The following MACF1 variants were observed in gnomAD, a reference collection of about 807,000 sequenced individuals.
The protein encoded by MACF1 is microtubule-actin cross-linking factor 1.
A neutral mutation model predicts 854.8 loss-of-function variants in MACF1; 193 were observed. That is an observed-to-expected ratio of 0.23 (90% confidence interval 0.20 to 0.25). The LOEUF (loss-of-function observed/expected upper bound fraction) is 0.25, where lower values mean the gene tolerates loss of function less well. MACF1 is among the 10% of genes least tolerant of loss of function. MACF1 has a pLI of 1.00. For missense variants in MACF1, 7,722 were observed against 8,929.1 expected (o/e 0.86, Z 5.45); for synonymous variants, 3,185 against 3,226.7 (o/e 0.99, Z 0.44).
chr1:39,302,360 T>C (rs1005680104), intron 22 of MACF1, among the ~76,000 whole-genome samples: 3 of 152,072 alleles, frequency 2.0e-5, no homozygotes, highest in African/African-American at 7.3e-5. Flanking sequence ...ATATGTATTA[T>C]ACAAAAGAAT....
At chr1:39,247,433 A>G (rs1644994875) in intron 2 of MACF1, among the ~76,000 whole-genome samples, 1 of 152,190 alleles carries the variant, frequency 6.6e-6, no homozygotes, top group Non-Finnish European at 1.5e-5. Context: ...TTTAAAGTAA[A>G]TGTAATACAT....
chr1:39,464,107 G>A (rs1281515093), intron 94 of MACF1: 1 of 174,064 alleles, frequency 5.7e-6, no homozygotes, highest in Non-Finnish European at 1.3e-5. Context: ...GCTCTGAGCT[G>A]GGCTACAAAT....
chr1:39,255,472 C>T (rs1036056607), intron 5 of MACF1, among the ~76,000 whole-genome samples: 9 of 152,176 alleles, frequency 5.9e-5, no homozygotes, highest in Non-Finnish European at 7.4e-5. Context: ...ACAGGGTCAA[C>T]GTGACATTAA....
At chr1:39,254,246 A>G (rs770922502) in intron 4 of MACF1, 52 bp from the exon 5 acceptor site, 1 of 1,431,656 alleles carries the variant, frequency 7.0e-7, no homozygotes, top group Non-Finnish European at 9.9e-7. Flanking sequence ...AAGGGTCTGT[A>G]TGGTTAAATT....
intron 58 of MACF1, chr1:39,411,693 TGAA>T (rs757241244): frequency 9.9e-6 from 16 of 1,613,906 alleles, no homozygotes; most frequent in East Asian, 8.9e-5. Flanking sequence ...AGTGTTTATG[TGAA>T]GAAGGAGTAA....
chr1:39,258,518 T>TG (rs1194429200), intron 6 of MACF1, among the ~76,000 whole-genome samples: 8 of 152,244 alleles, frequency 5.3e-5, no homozygotes, highest in Admixed American at 1.3e-4. Flanking sequence ...AGCACAACCT[T>TG]GCAGCGGCCA....
intron 24 of MACF1, 145 bp from the exon 25 acceptor site, chr1:39,310,100 G>C (rs555046062): frequency 1.4e-6 from 1 of 735,036 alleles, no homozygotes; most frequent in South Asian, 2.0e-5. Flanking sequence ...TGACTAAATG[G>C]AGGAATTCAA....
At chr1:39,107,458 C>T (rs1273834813) in intron 2 of MACF1, among the ~76,000 whole-genome samples, 2 of 151,566 alleles carry the variant, frequency 1.3e-5, no homozygotes, top group Admixed American at 6.6e-5. Context: ...AAATGGTTGC[C>T]CAAAGTAAAT....
intron 2 of MACF1, among the ~76,000 whole-genome samples, chr1:39,100,888 G>A (rs536383091): frequency 4.0e-4 from 60 of 151,672 alleles, no homozygotes; most frequent in African/African-American, 1.2e-3. Flanking sequence ...ATTAAATAAA[G>A]TAAACAAATA....
chr1:39,423,782 A>G (rs1418630809), intron 60 of MACF1, among the ~76,000 whole-genome samples: 1 of 151,982 alleles, frequency 6.6e-6, no homozygotes, highest in Non-Finnish European at 1.5e-5. Context: ...TCTTGGTTCA[A>G]AGGAAGTTCC....
At chr1:39,286,452 T>C (rs913035862) in intron 14 of MACF1, among the ~76,000 whole-genome samples, 1 of 151,614 alleles carries the variant, frequency 6.6e-6, no homozygotes, top group African/African-American at 2.4e-5. Context: ...TGTAAAGTCA[T>C]GTGGCTAGTT....
intron 2 of MACF1, among the ~76,000 whole-genome samples, chr1:39,152,937 C>T (rs1206480188): frequency 6.6e-6 from 1 of 151,952 alleles, no homozygotes; most frequent in East Asian, 1.9e-4. Flanking sequence ...GTGAGTTGAG[C>T]CAGTAAGCAC....
chr1:39,240,931 T>C (rs939705394), intron 2 of MACF1, among the ~76,000 whole-genome samples: 3 of 152,178 alleles, frequency 2.0e-5, no homozygotes, highest in African/African-American at 7.2e-5. Context: ...GCAAAGAACC[T>C]CACACTTTGT....
At chr1:39,485,385 T>A in intron 100 of MACF1, 153 bp from the exon 101 acceptor site, 1 of 870,352 alleles carries the variant, frequency 1.1e-6, no homozygotes, top group Non-Finnish European at 1.7e-6. Context: ...AGAAAAGGCT[T>A]CAGCAACTTC....
At chr1:39,370,330 A>G in intron 51 of MACF1, 144 bp downstream of exon 51, 2 of 704,106 alleles carry the variant, frequency 2.8e-6, no homozygotes, top group South Asian at 2.2e-5. Flanking sequence ...CGTTTTCTTC[A>G]TATGATAACC....
chr1:39,439,397 C>T lies in MACF1; in HGVS notation c.18344C>T (p.Ala6115Val). Residue 6115 changes from alanine (A) to valine (V), a missense_variant, in exon 72 of 101, where the codon GCA (alanine) becomes GTA (valine). Transcript: ENST00000564288. ...ELAEKFWYDM[A>V]ALLTTIKDTQ... ...GCAGAGAAGTTCTGGTATGACATGG[C>T]AGCTCTCCTGACCACCATCAAAGAC... 6.2e-7 allele frequency: 1 copy of T among 1,614,030 alleles called. No individual in the cohort carries two copies. Among genetic ancestry groups the T allele is most frequent in the Non-Finnish European group, 8.5e-7 (1 of 1,179,894 alleles).
At chr1:39,255,710 G>A (rs1419519858) in intron 5 of MACF1, among the ~76,000 whole-genome samples, 2 of 152,162 alleles carry the variant, frequency 1.3e-5, no homozygotes, top group Non-Finnish European at 2.9e-5. Context: ...TCCTCAGTTG[G>A]CACTTAATAA....
intron 84 of MACF1, among the ~76,000 whole-genome samples, chr1:39,449,928 C>T (rs1047988437): frequency 1.3e-5 from 2 of 152,142 alleles, no homozygotes; most frequent in East Asian, 1.9e-4. Flanking sequence ...GGCACTGTCT[C>T]GGGTCACTGC....
At position 39,379,196 on chromosome 1, in the gene MACF1, A is replaced by G; in HGVS notation, c.13277-7A>G. ...CTCCAATCTGATTTCTGTTTCTATG[A>G]TACTAGATCTGACGGAGATCCAGTG... is the stretch of plus-strand genomic sequence containing the variant. On this transcript the variant is annotated splice_polypyrimidine_tract_variant and splice_region_variant and intron_variant, in intron 53 of 100. Coordinates refer to ENST00000564288, the MANE Select transcript of MACF1 (RefSeq NM_001394062.1). The G allele has an allele frequency of 6.3e-7, 1 of 1,578,248 alleles. No homozygotes were observed. The highest frequency in any genetic ancestry group is 8.6e-7 in the Non-Finnish European group (1 of 1,163,146).
Sources: allele counts gnomAD v4.1 joint callset (sites outside exome capture counted in the v4.1 genomes callset), GRCh38; gene constraint gnomAD v4.1.1; transcripts MANE v1.5; gene names NCBI Gene and HGNC (gene_info 2026-07-23, HGNC 2026-07-21).